ADAM28: variants seen among roughly 807,000 people sequenced by gnomAD.
ADAM28 encodes the protein ADAM metallopeptidase domain 28, also known as disintegrin and metalloproteinase domain-containing protein 28.
ADAM28 carries 105 observed loss-of-function variants against 101.2 expected under a neutral mutation model. The observed-to-expected ratio is 1.04, with a 90% CI of 0.89 to 1.22. The LOEUF is 1.22. Among genes scored for constraint, ADAM28 ranks in the 50% most tolerant of loss-of-function variants. ADAM28 has a pLI of 0.00. For missense variants in ADAM28, 1,028 were observed against 945.4 expected (o/e 1.09, Z -1.15); for synonymous variants, 322 against 310.6 (o/e 1.04, Z -0.39).
intron 1 of ADAM28, among the ~76,000 whole-genome samples, chr8:24,299,254 T>C (rs948280513): frequency 6.6e-6 from 1 of 152,172 alleles, no homozygotes; most frequent in Non-Finnish European, 1.5e-5. Context: ...AAAATGCAGA[T>C]AGGTTGGATC....
chr8:24,318,855 C>T (rs921173722), intron 6 of ADAM28, among the ~76,000 whole-genome samples: 27 of 152,032 alleles, frequency 1.8e-4, no homozygotes, highest in African/African-American at 6.3e-4. Context: ...TCTGCCTGAC[C>T]TGCCCATCCT....
intron 21 of ADAM28, among the ~76,000 whole-genome samples, chr8:24,353,344 A>G (rs1816392282): frequency 1.3e-5 from 2 of 152,154 alleles, no homozygotes; most frequent in African/African-American, 2.4e-5. Flanking sequence ...GAATTACAGT[A>G]CATTCACTCA....
intron 20 of ADAM28, 92 bp downstream of exon 20, chr8:24,351,402 C>A: frequency 7.5e-7 from 1 of 1,335,594 alleles, no homozygotes; most frequent in Non-Finnish European, 1.1e-6. Context: ...CATTTCTACC[C>A]AGCAGCGTTT....
At chr8:24,351,139 T>C in intron 19 of ADAM28, 93 bp from the exon 20 acceptor site, 1 of 1,088,502 alleles carries the variant, frequency 9.2e-7, no homozygotes, top group Non-Finnish European at 1.3e-6. Context: ...AAAGACACAA[T>C]GGGAAAAAGA....
At chr8:24,300,175 C>A in intron 2 of ADAM28, 98 bp downstream of exon 2, 1 of 1,009,608 alleles carries the variant, frequency 9.9e-7, no homozygotes. Context: ...GGGATTTATA[C>A]ATGTATGTTT....
intron 16 of ADAM28, 54 bp downstream of exon 16, chr8:24,341,811 T>C: frequency 1.9e-6 from 3 of 1,609,452 alleles, no homozygotes; most frequent in Non-Finnish European, 2.5e-6. Context: ...TTTGGTGTGC[T>C]TTGTTGTTTT....
intron 4 of ADAM28, among the ~76,000 whole-genome samples, chr8:24,310,551 A>G (rs79341836): frequency 0.014 from 2,067 of 151,582 alleles, 52 homozygotes; most frequent in African/African-American, 0.047. Context: ...ATCAATTTCT[A>G]TCATTTCTCT....
chr8:24,315,843 A>G (rs1811090324), intron 6 of ADAM28, among the ~76,000 whole-genome samples: 1 of 151,970 alleles, frequency 6.6e-6, no homozygotes, highest in Non-Finnish European at 1.5e-5. Flanking sequence ...TGGTATACTG[A>G]CTTAACCTAC....
rs1035347053 is a variant in ADAM28 at position 24,320,093 on chromosome 8, G to A, written c.577-143G>A. 3.1e-5 allele frequency: 19 copies of A among 604,342 alleles called. No homozygotes were observed. In the South Asian group the frequency reaches 3.9e-4, roughly 12 times the overall value. 37.4% of individuals were successfully genotyped at this position (604,342 alleles called of 1,614,324 possible). ...GCCTTGTCAGTAGATAATCCTGTCGGTTGAATTGGTGTTAAAATGCTAATA... is the reference window on the plus strand; with the variant it reads ...GCCTTGTCAGTAGATAATCCTGTCGATTGAATTGGTGTTAAAATGCTAATA... On this transcript the variant is annotated intron_variant, in intron 6 of 22. Coordinates refer to ENST00000265769, the MANE Select transcript of ADAM28 (RefSeq NM_014265.6).
chr8:24,341,788 T>C, intron 16 of ADAM28, 31 bp downstream of exon 16: 1 of 1,612,958 alleles, frequency 6.2e-7, no homozygotes, highest in Non-Finnish European at 8.5e-7. Flanking sequence ...TCACTCAAAA[T>C]AGTGTTTTTT....
At chr8:24,296,239 G>A (rs1807948570) in intron 1 of ADAM28, 2 of 152,042 alleles carry the variant, frequency 1.3e-5, no homozygotes, top group Non-Finnish European at 2.9e-5. Context: ...CCTTTATAAG[G>A]TAACTGGAAG....
chr8:24,306,851 A>T (rs1809762289), intron 2 of ADAM28, among the ~76,000 whole-genome samples: 1 of 152,106 alleles, frequency 6.6e-6, no homozygotes, highest in African/African-American at 2.4e-5. Flanking sequence ...CTATCCACAG[A>T]TCTAAGGTTC....
intron 22 of ADAM28, 122 bp downstream of exon 22, chr8:24,353,954 T>C (rs1816479492): frequency 1.6e-6 from 1 of 611,878 alleles, no homozygotes. Flanking sequence ...GATTTGGAGA[T>C]GGGTGCCAAC....
At chr8:24,340,033 A>G (rs1427547824) in intron 15 of ADAM28, among the ~76,000 whole-genome samples, 1 of 152,198 alleles carries the variant, frequency 6.6e-6, no homozygotes, top group Non-Finnish European at 1.5e-5. Flanking sequence ...CATAAAGAAA[A>G]AATACAATAT....
rs1392638105 is a variant in ADAM28 at position 24,323,935 on chromosome 8, G to T, written c.822G>T (p.Glu274Asp). Residue 274 changes from glutamate to aspartate, a missense_variant, in exon 9 of 23, where the codon GAG becomes GAT. Coordinates refer to ENST00000265769, the MANE Select transcript of ADAM28 (RefSeq NM_014265.6). ...KITPNASFTLENFSKWRGSVL... is the reference protein window; with the variant it reads ...KITPNASFTLDNFSKWRGSVL... ...CCCCAAATGCAAGCTTCACCTTGGA[G>T]AATTTTTCTAAATGGAGGGGGAGTG... 1 of 1,612,222 alleles carries T rather than the reference G, an allele frequency of 6.2e-7. No homozygotes were observed. The highest frequency in any genetic ancestry group is 2.2e-5 in the East Asian group (1 of 44,786).
At chr8:24,300,154 G>C in intron 2 of ADAM28, 77 bp downstream of exon 2, 1 of 1,178,580 alleles carries the variant, frequency 8.5e-7, no homozygotes, top group East Asian at 2.4e-5. Flanking sequence ...TCTATGATGA[G>C]AGATAGATAT....
Position 24,354,650 on chromosome 8 carries a change from A to T in ADAM28, c.*246A>T, listed in dbSNP as rs1339384978. Reference sequence around the variant, plus strand: ...TTCTTATAAGAAGGAAGATGATTGTAAAGAAATATCTCCGAAGTTAAAATC... The same window carrying T: ...TTCTTATAAGAAGGAAGATGATTGTTAAGAAATATCTCCGAAGTTAAAATC... On this transcript the variant is annotated 3_prime_UTR_variant, in exon 23 of 23. Coordinates refer to ENST00000265769, the MANE Select transcript of ADAM28 (RefSeq NM_014265.6). 2.7e-6 allele frequency: 1 copy of T among 369,496 alleles called. No homozygotes were observed. The highest frequency in any genetic ancestry group is 4.9e-5 in the East Asian group (1 of 20,288). The allele number at this position is 369,496 out of a possible 1,614,324, so 22.9% of individuals were successfully genotyped here.
Position 24,358,982 on chromosome 8 carries a change from T to C in ADAM28, c.*4578T>C, listed in dbSNP as rs1816847734. The C allele has an allele frequency of 6.6e-6, 1 of 152,174 alleles. No homozygotes were observed. Among genetic ancestry groups the C allele is most frequent in the South Asian group, 2.1e-4 (1 of 4,828 alleles). The allele number at this position is 152,174 out of a possible 1,614,324, so 9.4% of individuals were successfully genotyped here. On this transcript the variant is annotated 3_prime_UTR_variant, in exon 23 of 23. Coordinates refer to ENST00000265769, the MANE Select transcript of ADAM28 (RefSeq NM_014265.6). The stretch of plus-strand genomic sequence containing the variant: ...AGTTTGACAATGTTATTTTAAAATC[T>C]GGACAAATCACAAATATAAAATACT...
chr8:24,315,248 C>T (rs1439530404), intron 6 of ADAM28, among the ~76,000 whole-genome samples: 2 of 151,468 alleles, frequency 1.3e-5, no homozygotes, highest in African/African-American at 4.8e-5. Context: ...ATATTCCATG[C>T]AAATGGTAAC....
Sources: gnomAD v4.1 joint callset for allele counts (sites outside exome capture counted in the v4.1 genomes callset) on GRCh38, gnomAD v4.1.1 for gene constraint, MANE v1.5 for transcripts, NCBI Gene and HGNC (gene_info 2026-07-23, HGNC 2026-07-21) for gene names.